Variants in SETD3 observed in about 807,000 individuals in gnomAD.
SETD3 encodes actin-histidine N-methyltransferase.
SETD3 carries 19 observed loss-of-function variants against 63.0 expected under a neutral mutation model. That is an observed-to-expected ratio of 0.30 (90% CI 0.21 to 0.44). SETD3 has a LOEUF of 0.44. Ranked by LOEUF, SETD3 falls within the 20% of genes least tolerant of loss-of-function variation. The pLI is 1.00. For missense variants in SETD3, 587 were observed against 728.5 expected, an observed-to-expected ratio of 0.81 and a Z score of 2.24; for synonymous variants, 286 against 264.1, an observed-to-expected ratio of 1.08 and a Z score of -0.80.
At chr14:99,404,156 C>T (rs1891550808) in intron 11 of SETD3, 69 bp downstream of exon 11, 1 of 1,272,468 alleles carries the variant, frequency 7.9e-7, no homozygotes, top group Admixed American at 1.9e-5. Context: ...AATCTGAATC[C>T]CTATGCTTTA....
chr14:99,407,314 A>T (rs1477674573), intron 8 of SETD3, among the ~76,000 whole-genome samples: 1 of 152,222 alleles, frequency 6.6e-6, no homozygotes, highest in Non-Finnish European at 1.5e-5. Flanking sequence ...TCATGGCCTC[A>T]GCACACAAGT....
chr14:99,453,214 G>C (rs1894562333), intron 6 of SETD3, among the ~76,000 whole-genome samples: 1 of 152,150 alleles, frequency 6.6e-6, no homozygotes, highest in South Asian at 2.1e-4. Flanking sequence ...AAAGATACAT[G>C]GTTTGGTACT....
the SETD3 span, among the ~76,000 whole-genome samples, chr14:99,486,365 T>G: frequency 6.6e-6 from 1 of 152,210 alleles, no homozygotes; most frequent in Non-Finnish European, 1.5e-5. Flanking sequence ...ACGCTCGCCT[T>G]TGGTGATTCT....
chr14:99,467,138 T>C (rs759910915), intron 1 of SETD3, among the ~76,000 whole-genome samples: 2 of 152,206 alleles, frequency 1.3e-5, no homozygotes, highest in African/African-American at 2.4e-5. Flanking sequence ...AACGTGTGTA[T>C]CTTCTCTTAT....
intron 8 of SETD3, among the ~76,000 whole-genome samples, chr14:99,409,274 CATCTAGTGGAAAAG>C (rs1343184162): frequency 6.6e-6 from 1 of 152,150 alleles, no homozygotes; most frequent in Non-Finnish European, 1.5e-5. Flanking sequence ...CCCATAGGGA[CATCTAGTGGAAAAG>C]ACACAGGGAG....
Position 99,459,147 on chromosome 14 carries a change from T to G in SETD3, c.384A>C (p.Leu128=), listed in dbSNP as rs776926674. The G allele has an allele frequency of 6.2e-7, 1 of 1,611,782 alleles. No homozygotes were observed. The highest frequency in any genetic ancestry group is 8.5e-7 in the Non-Finnish European group (1 of 1,179,126). The change falls in exon 5 of 13, where the codon CTA becomes CTC. Residue 128 remains leucine, a synonymous_variant. Transcript: ENST00000331768. ...AATTTTTAGCAGATTCAACAGTCAT[T>G]AGCAATTTTCGTGGAACCCATAAAA... The part of the protein sequence containing the change: ...ELFLWVPRKL[L]MTVESAKNSV...
chr14:99,448,134 C>A (rs1328662104), intron 6 of SETD3, among the ~76,000 whole-genome samples: 3 of 152,212 alleles, frequency 2.0e-5, no homozygotes, highest in Non-Finnish European at 4.4e-5. Context: ...GTCTAACAGA[C>A]CTGCTTGGAG....
Position 99,463,575 on chromosome 14 carries a change from C to T in SETD3, c.107G>A (p.Cys36Tyr), listed in dbSNP as rs1895197586. 6.2e-7 allele frequency: 1 copy of T among 1,612,570 alleles called. No individual in the cohort carries two copies. The highest frequency in any genetic ancestry group is 8.5e-7 in the Non-Finnish European group (1 of 1,178,824). ...TCCTGGGCCAGGCGCCGGACTGCTG[C>T]ATTCTGTAACATAAGAGGCATGGTA... ...LNLTSELLQK[C>Y]SSPAPGPGKE... The change falls in exon 3 of 13, where the codon TGC (cysteine) becomes TAC (tyrosine). Residue 36 changes from cysteine (C) to tyrosine (Y), a missense_variant. By Grantham distance (194) the Cys-to-Tyr change is radical. Coordinates refer to ENST00000331768, the MANE Select transcript of SETD3 (RefSeq NM_032233.3).
At position 99,459,132 on chromosome 14, in the gene SETD3, A is replaced by T. The variant is rs1292404421; in HGVS notation, c.399T>A (p.Ser133=). ...TCTCACCCAACACTGAATTTTTAGC[A>T]GATTCAACAGTCATTAGCAATTTTC... ...VPRKLLMTVE[S]AKNSVLGPLY... The change falls in exon 5 of 13, where the codon TCT becomes TCA. Residue 133 remains serine (S), a synonymous_variant. Transcript: ENST00000331768. The T allele has an allele frequency of 6.2e-7, 1 of 1,610,234 alleles. No homozygotes were observed. The highest frequency in any genetic ancestry group is 8.5e-7 in the Non-Finnish European group (1 of 1,178,656).
At position 99,440,401 on chromosome 14, in the gene SETD3, G is replaced by A. The variant is rs184098147; in HGVS notation, c.675+17878C>T. Among the ~76,000 whole-genome samples, 182 of 152,276 alleles carry A rather than the reference G, an allele frequency of 1.2e-3. 1 individual carries two copies. Among genetic ancestry groups the A allele is most frequent in the African/African-American group, 3.8e-3 (159 of 41,558 alleles). The stretch of plus-strand genomic sequence containing the variant: ...AAATATAATTCAGGCTCGAACTGTC[G>A]ATAATCGCATTTCACTACACGTGCG... On this transcript the variant is annotated intron_variant, in intron 6 of 12. Transcript: ENST00000331768.
intron 6 of SETD3, 54 bp downstream of exon 6, chr14:99,458,225 C>A: frequency 6.5e-7 from 1 of 1,548,820 alleles, no homozygotes; most frequent in South Asian, 1.2e-5. Context: ...GACTCAATTC[C>A]TCTTTCCTCC....
chr14:99,478,883 C>T (rs892277584), intron 1 of SETD3: 4 of 152,164 alleles, frequency 2.6e-5, no homozygotes, highest in African/African-American at 9.7e-5. Flanking sequence ...ATATCACCTC[C>T]ATATTTTTCT....
intron 4 of SETD3, among the ~76,000 whole-genome samples, chr14:99,460,472 C>G (rs995606800): frequency 1.3e-5 from 2 of 152,116 alleles, no homozygotes; most frequent in African/African-American, 4.8e-5. Flanking sequence ...GTGGCCTGCC[C>G]CTGCAAAGCT....
chr14:99,467,765 T>A (rs1227817852), intron 1 of SETD3, among the ~76,000 whole-genome samples: 1 of 152,094 alleles, frequency 6.6e-6, no homozygotes, highest in African/African-American at 2.4e-5. Context: ...CTCTTAACAG[T>A]AAGTGAGCCT....
At chr14:99,457,922 C>A in intron 6 of SETD3, among the ~76,000 whole-genome samples, 1 of 151,978 alleles carries the variant, frequency 6.6e-6, no homozygotes, top group African/African-American at 2.4e-5. Flanking sequence ...AAAAATTAAC[C>A]CTCATTTTCT....
intron 6 of SETD3, among the ~76,000 whole-genome samples, chr14:99,426,569 A>G (rs933134474): frequency 6.6e-6 from 1 of 152,180 alleles, no homozygotes; most frequent in Non-Finnish European, 1.5e-5. Flanking sequence ...CTCCTGCTGG[A>G]CCTGGCAAAC....
chr14:99,468,967 A>G (rs1895546519), intron 1 of SETD3, among the ~76,000 whole-genome samples: 1 of 152,190 alleles, frequency 6.6e-6, no homozygotes, highest in South Asian at 2.1e-4. Context: ...GTCTTAGGTC[A>G]GGTTACAATC....
rs778990853 is a variant in SETD3, at chr14:99,405,406, A to G, written c.925-35T>C. ...AGTAAAGAAAAAAGAAAAGGGCATT[A>G]GACAAACTTGGCATGTATTCTTAAC... is the stretch of plus-strand genomic sequence containing the variant. On this transcript the variant is annotated intron_variant, in intron 9 of 12. Transcript: ENST00000331768. 3.1e-6 allele frequency: 5 copies of G among 1,599,874 alleles called. No individual in the cohort carries two copies. The South Asian group carries it at 4.5e-5, about 14-fold the overall frequency.
At position 99,465,752 on chromosome 14, in the gene SETD3, T is replaced by G. The variant is rs752892045; in HGVS notation, c.54A>C (p.Ala18=). 7 of 1,614,120 alleles carry G rather than the reference T, an allele frequency of 4.3e-6. No homozygotes were observed. The highest frequency in any genetic ancestry group is 5.9e-6 in the Non-Finnish European group (7 of 1,179,980). ...KTQKSGTGAT[A]TVSPKEILNL... ...TCAAGATTTCCTTTGGTGACACAGT[T>G]GCTGTAGCACCAGTGCCAGATTTCT... Residue 18 remains alanine, a synonymous_variant, in exon 2 of 13, where the codon GCA becomes GCC. Transcript: ENST00000331768.
Sources: allele counts gnomAD v4.1 joint callset (sites outside exome capture counted in the v4.1 genomes callset), GRCh38; gene constraint gnomAD v4.1.1; transcripts MANE v1.5; gene names NCBI Gene and HGNC (gene_info 2026-07-23, HGNC 2026-07-21).